Variants in BPIFB1 observed in about 807,000 individuals in gnomAD.
BPIFB1 encodes BPI fold-containing family B member 1.
Under a neutral mutation model 55.1 loss-of-function variants are expected in BPIFB1, and 34 were observed. The ratio of observed to expected loss-of-function variants is 0.62; its 90% CI spans 0.47 to 0.82. The LOEUF is 0.82. Among genes scored for constraint, BPIFB1 ranks in the 40% least tolerant of loss-of-function variants. BPIFB1 has a pLI of 0.00. For synonymous variants in BPIFB1, 236 were observed against 245.3 expected, an observed-to-expected ratio of 0.96 and a Z score of 0.35; for missense variants, 532 against 593.1, an observed-to-expected ratio of 0.90 and a Z score of 1.07.
chr20:33,308,802 C>T (rs1000532540), intron 15 of BPIFB1, among the ~76,000 whole-genome samples: 2 of 148,658 alleles, frequency 1.3e-5, no homozygotes, highest in Non-Finnish European at 3.0e-5. Context: ...ATACACACAC[C>T]ACACACATAC....
chr20:33,290,040 C>A, intron 4 of BPIFB1, 48 bp downstream of exon 4: 2 of 1,399,450 alleles, frequency 1.4e-6, no homozygotes, highest in Non-Finnish European at 1.0e-6. Flanking sequence ...GGCTCATCTG[C>A]TCGTTCCCCC....
chr20:33,295,030 C>T (rs1222836775), intron 6 of BPIFB1, among the ~76,000 whole-genome samples: 1 of 151,450 alleles, frequency 6.6e-6, no homozygotes, highest in South Asian at 2.1e-4. Context: ...GGCTGGCCAA[C>T]ATGACGAAAC....
At position 33,305,945 on chromosome 20, in the gene BPIFB1, T is replaced by A; in HGVS notation, c.1255-57T>A. On this transcript the variant is annotated intron_variant, in intron 13 of 15. Transcript: ENST00000253354. ...GAGGAGCCACACCCACGAAGAATGATGGGGGGGAACTTCAGATGCTCAACC... is the reference window on the plus strand; with the variant it reads ...GAGGAGCCACACCCACGAAGAATGAAGGGGGGGAACTTCAGATGCTCAACC... The A allele has an allele frequency of 1.9e-6, 3 of 1,584,842 alleles. No individual in the cohort carries two copies. The South Asian group carries it at 3.3e-5, about 18-fold the overall frequency.
At chr20:33,285,588 G>T (rs182766243) in intron 1 of BPIFB1, among the ~76,000 whole-genome samples, 64 of 151,630 alleles carry the variant, frequency 4.2e-4, no homozygotes, top group African/African-American at 1.4e-3. Context: ...CGCGGTGGTG[G>T]GTGTCTGTAG....
In BPIFB1 at chr20:33,288,977, G is replaced by A. The variant is rs117777748; in HGVS notation, c.257+95G>A. The stretch of plus-strand genomic sequence containing the variant: ...CTCAGTCAACCAGTCTGCAAGCATC[G>A]ACTTGTGTCAGATCACAAAGAGTGG... On this transcript the variant is annotated intron_variant, in intron 3 of 15. Transcript: ENST00000253354. 5.0e-6 allele frequency: 7 copies of A among 1,389,868 alleles called. No individual in the cohort carries two copies. The Admixed American group carries it at 7.2e-5, about 14-fold the overall frequency. The allele number at this position is 1,389,868 out of a possible 1,614,324, so 86.1% of individuals were successfully genotyped here.
intron 14 of BPIFB1, 88 bp from the exon 15 acceptor site, chr20:33,306,823 G>A (rs1981043140): frequency 6.3e-6 from 7 of 1,110,702 alleles, no homozygotes; most frequent in Admixed American, 1.7e-5. Context: ...TGCCAGGCCG[G>A]GGCTCCCCTT....
chr20:33,302,282 C>T, intron 9 of BPIFB1, 77 bp from the exon 10 acceptor site: 2 of 1,480,646 alleles, frequency 1.4e-6, no homozygotes, highest in Non-Finnish European at 1.9e-6. Context: ...GGGAAACCTT[C>T]CTCCCAGCAG....
chr20:33,301,524 G>T, intron 9 of BPIFB1, 112 bp downstream of exon 9: 2 of 971,332 alleles, frequency 2.1e-6, no homozygotes, highest in Non-Finnish European at 3.0e-6. Flanking sequence ...GTTTAATGGA[G>T]ATCTCACTCC....
chr20:33,303,090 T>C lies in BPIFB1; in HGVS notation c.1140+16T>C. ...CCTGGGCATCGTGAGTTCAGTTGTC[T>C]GCGATATTGGCAGCAACCAGGGGGA... On this transcript the variant is annotated intron_variant, in intron 11 of 15. Coordinates refer to ENST00000253354, the MANE Select transcript of BPIFB1 (RefSeq NM_033197.3). The C allele has an allele frequency of 1.2e-6, 2 of 1,612,186 alleles. No homozygotes were observed. The highest frequency in any genetic ancestry group is 1.7e-6 in the Non-Finnish European group (2 of 1,179,262).
At chr20:33,301,479 G>A in intron 9 of BPIFB1, 67 bp downstream of exon 9, 1 of 1,493,424 alleles carries the variant, frequency 6.7e-7, no homozygotes, top group Non-Finnish European at 9.2e-7. Flanking sequence ...CCTGAACACA[G>A]GGTGCCCCTA....
chr20:33,285,975 G>C, intron 1 of BPIFB1, 58 bp from the exon 2 acceptor site: 1 of 1,101,712 alleles, frequency 9.1e-7, no homozygotes, highest in East Asian at 2.4e-5. Context: ...CCAGGTCACC[G>C]GGCATCATGG....
At chr20:33,287,491 C>T (rs1980306775) in intron 2 of BPIFB1, among the ~76,000 whole-genome samples, 1 of 152,202 alleles carries the variant, frequency 6.6e-6, no homozygotes, top group Non-Finnish European at 1.5e-5. Context: ...AGAGGGAAAA[C>T]AGACAGAGCT....
At chr20:33,292,267 G>A (rs1329393449) in intron 6 of BPIFB1, among the ~76,000 whole-genome samples, 1 of 152,156 alleles carries the variant, frequency 6.6e-6, no homozygotes, top group African/African-American at 2.4e-5. Context: ...GTTGAAGGGA[G>A]GCAAACCTGA....
intron 6 of BPIFB1, among the ~76,000 whole-genome samples, chr20:33,295,036 G>A (rs1439094522): frequency 3.3e-5 from 5 of 151,466 alleles, no homozygotes; most frequent in South Asian, 2.1e-4. Flanking sequence ...CCAACATGAC[G>A]AAACCCCGTC....
chr20:33,286,237 T>C (rs1160798862), intron 2 of BPIFB1, 49 bp downstream of exon 2: 2 of 1,526,376 alleles, frequency 1.3e-6, no homozygotes, highest in Non-Finnish European at 1.8e-6. Context: ...AGGGGGTAGG[T>C]GGAGCAGCTT....
chr20:33,293,082 T>C (rs1180011187), intron 6 of BPIFB1, among the ~76,000 whole-genome samples: 1 of 152,198 alleles, frequency 6.6e-6, no homozygotes, highest in Non-Finnish European at 1.5e-5. Context: ...CCACCAGGCA[T>C]GGCTAGTTTT....
chr20:33,293,365 G>T (rs1338500834), intron 6 of BPIFB1, among the ~76,000 whole-genome samples: 1 of 152,182 alleles, frequency 6.6e-6, no homozygotes, highest in Non-Finnish European at 1.5e-5. Context: ...GTATTTTTAA[G>T]AGGCTGCTCT....
chr20:33,302,803 A>C, intron 10 of BPIFB1, 113 bp from the exon 11 acceptor site: 43 of 1,143,608 alleles, frequency 3.8e-5, no homozygotes, highest in Non-Finnish European at 5.3e-5. Context: ...GGTGGCTGGA[A>C]CACGTGAGGG....
intron 1 of BPIFB1, 103 bp from the exon 2 acceptor site, chr20:33,285,930 C>G: frequency 1.5e-6 from 1 of 677,052 alleles, no homozygotes; most frequent in Non-Finnish European, 2.6e-6. Context: ...GGCAGTTAAA[C>G]ACTGCACTCA....
Sources: gnomAD v4.1 joint callset for allele counts (sites outside exome capture counted in the v4.1 genomes callset) on GRCh38, gnomAD v4.1.1 for gene constraint, MANE v1.5 for transcripts, NCBI Gene and HGNC (gene_info 2026-07-23, HGNC 2026-07-21) for gene names.